ANKRD31: variants seen among roughly 807,000 people sequenced by gnomAD.
ANKRD31 encodes the protein ankyrin repeat domain 31, also known as ankyrin repeat domain-containing protein 31.
A neutral mutation model predicts 186.0 loss-of-function variants in ANKRD31; 147 were observed. That is an observed-to-expected ratio of 0.79 (90% CI 0.69 to 0.91). The LOEUF (loss-of-function observed/expected upper bound fraction) is 0.91. Among genes scored for constraint, ANKRD31 ranks in the 40% least tolerant of loss-of-function variants. ANKRD31 has a pLI of 0.00. For missense variants in ANKRD31, 1,986 were observed against 2,148.8 expected (o/e 0.92, Z 1.50); for synonymous variants, 673 against 736.4 (o/e 0.91, Z 1.39).
chr5:75,173,591 GACAA>G (rs1480094301), intron 10 of ANKRD31, among the ~76,000 whole-genome samples: 4 of 152,088 alleles, frequency 2.6e-5, no homozygotes, highest in East Asian at 1.9e-4. Context: ...ACCAATAACA[GACAA>G]ACAGAGAGCC....
intron 12 of ANKRD31, among the ~76,000 whole-genome samples, chr5:75,150,118 A>G (rs1341217634): frequency 6.6e-6 from 1 of 151,920 alleles, no homozygotes; most frequent in Non-Finnish European, 1.5e-5. Context: ...CAGTCCTCAC[A>G]TTAACAATCC....
intron 22 of ANKRD31, among the ~76,000 whole-genome samples, chr5:75,097,816 T>C (rs983747221): frequency 6.6e-6 from 1 of 152,206 alleles, no homozygotes; most frequent in Non-Finnish European, 1.5e-5. Flanking sequence ...CTTTAATCCA[T>C]CTTGAATTAA....
At chr5:75,231,657 T>G (rs913174882) in intron 1 of ANKRD31, among the ~76,000 whole-genome samples, 1 of 152,166 alleles carries the variant, frequency 6.6e-6, no homozygotes, top group Admixed American at 6.6e-5. Flanking sequence ...CGAAAAGATG[T>G]TCATCATCAC....
Position 75,116,618 on chromosome 5 carries a change from A to G in ANKRD31, c.4103T>C (p.Ile1368Thr), listed in dbSNP as rs1464616352. Residue 1368 changes from isoleucine to threonine, a missense_variant, in exon 19 of 26, where the codon ATT becomes ACT. By Grantham distance (89) the Ile-to-Thr change is moderately conservative. Coordinates refer to ENST00000506364, the MANE Select transcript of ANKRD31 (RefSeq NM_001372053.1). Reference sequence around the variant, plus strand: ...TTGGTGTGAAAGGGAAGATGAGTCAATAGTTTTGCCATCATCACAAAAACA... The same window carrying G: ...TTGGTGTGAAAGGGAAGATGAGTCAGTAGTTTTGCCATCATCACAAAAACA... ...KQCFCDDGKT[I>T]DSSSLSHQER... 2.0e-6 allele frequency: 3 copies of G among 1,476,046 alleles called. No individual in the cohort carries two copies. The highest frequency in any genetic ancestry group is 2.7e-6 in the Non-Finnish European group (3 of 1,108,900). 91.4% of individuals were successfully genotyped at this position (1,476,046 alleles called of 1,614,324 possible). A position where few individuals can be genotyped will look rare whatever the true frequency, so the allele number is the denominator to read the frequency against.
intron 23 of ANKRD31, among the ~76,000 whole-genome samples, chr5:75,087,858 C>A (rs1163306685): frequency 6.6e-6 from 1 of 152,126 alleles, no homozygotes; most frequent in Non-Finnish European, 1.5e-5. Flanking sequence ...AATGATGATG[C>A]AGGTAAAGCT....
chr5:75,146,041 C>G lies in ANKRD31; in HGVS notation c.3370G>C (p.Ala1124Pro). Residue 1124 changes from alanine (A) to proline (P), a missense_variant, in exon 14 of 26, where the codon GCC becomes CCC. By Grantham distance (27) the Ala-to-Pro change is conservative (BLOSUM62 -1). Coordinates refer to ENST00000506364, the MANE Select transcript of ANKRD31 (RefSeq NM_001372053.1). Reference sequence around the variant, plus strand: ...CTTTGACTAAGTTTTGAGATGTTGGCCAATTCTTTACTCATATTGTCAGTG... The same window carrying G: ...CTTTGACTAAGTTTTGAGATGTTGGGCAATTCTTTACTCATATTGTCAGTG... ...HSTDNMSKEL[A>P]NISKLSQREK... 1 of 1,508,592 alleles carries G rather than the reference C, an allele frequency of 6.6e-7. No individual in the cohort carries two copies. The allele number at this position is 1,508,592 out of a possible 1,614,324, so 93.5% of individuals were successfully genotyped here.
intron 17 of ANKRD31, among the ~76,000 whole-genome samples, chr5:75,132,789 G>C (rs1296233719): frequency 6.6e-6 from 1 of 152,134 alleles, no homozygotes; most frequent in Non-Finnish European, 1.5e-5. Context: ...ACCCACAAAG[G>C]GAAGCCCATC....
chr5:75,222,825 C>T lies in ANKRD31; in HGVS notation c.179-467G>A, dbSNP rs1757387464. Among the ~76,000 whole-genome samples, 3 of 152,120 alleles carry T rather than the reference C, an allele frequency of 2.0e-5. No homozygotes were observed. The South Asian group carries it at 6.2e-4, about 32-fold the overall frequency. Reference sequence around the variant, plus strand: ...CATAGTATTTCATGGTGTATATGTACCATACTTTCTTTATCCATTGATAGG... The same window carrying T: ...CATAGTATTTCATGGTGTATATGTATCATACTTTCTTTATCCATTGATAGG... On this transcript the variant is annotated intron_variant, in intron 2 of 25. Transcript: ENST00000506364.
At chr5:75,178,780 C>G (rs1407277851) in intron 10 of ANKRD31, among the ~76,000 whole-genome samples, 1 of 152,048 alleles carries the variant, frequency 6.6e-6, no homozygotes, top group Non-Finnish European at 1.5e-5. Context: ...CAAGAGAAAG[C>G]AGGAAACATC....
intron 12 of ANKRD31, among the ~76,000 whole-genome samples, chr5:75,149,070 A>G (rs1164138995): frequency 1.3e-5 from 2 of 151,936 alleles, no homozygotes; most frequent in African/African-American, 4.8e-5. Context: ...TCTTTAAAGT[A>G]AAACATACAC....
chr5:75,120,950 C>T lies in ANKRD31; in HGVS notation c.3877-2653G>A, dbSNP rs544265287. Among the ~76,000 whole-genome samples, 20 of 151,936 alleles carry T rather than the reference C, an allele frequency of 1.3e-4. No homozygotes were observed. The South Asian group carries it at 1.9e-3, about 14-fold the overall frequency. ...CTGTAATCCCAGCACTTTGGGAGGCCGAGACAGGCGGATCATTAGGTCAGG... is the reference window on the plus strand; with the variant it reads ...CTGTAATCCCAGCACTTTGGGAGGCTGAGACAGGCGGATCATTAGGTCAGG... On this transcript the variant is annotated intron_variant, in intron 17 of 25. Coordinates refer to ENST00000506364, the MANE Select transcript of ANKRD31 (RefSeq NM_001372053.1).
At chr5:75,209,904 T>C (rs1182070507) in intron 4 of ANKRD31, among the ~76,000 whole-genome samples, 1 of 152,190 alleles carries the variant, frequency 6.6e-6, no homozygotes, top group East Asian at 1.9e-4. Context: ...ACTACTAATA[T>C]TCTTTGGTGC....
intron 10 of ANKRD31, among the ~76,000 whole-genome samples, chr5:75,169,948 G>A (rs1256463957): frequency 6.6e-6 from 1 of 152,134 alleles, no homozygotes; most frequent in Non-Finnish European, 1.5e-5. Flanking sequence ...CCCCTGGGGA[G>A]GGGGTGGGAG....
rs1227509314 is a variant in ANKRD31, at chr5:75,192,884, G to A, written c.1299-108C>T. On this transcript the variant is annotated intron_variant, in intron 8 of 25. Coordinates refer to ENST00000506364, the MANE Select transcript of ANKRD31 (RefSeq NM_001372053.1). ...TATTAAAACTCCAGGGTATTTTACT[G>A]AGCTGTTCTCAAGTGGCGTGGCAGT... 6.9e-6 allele frequency: 6 copies of A among 870,770 alleles called. No individual in the cohort carries two copies. The African/African-American group carries it at 1.0e-4, about 15-fold the overall frequency. 53.9% of individuals were successfully genotyped at this position (870,770 alleles called of 1,614,324 possible). A position where few individuals can be genotyped will look rare whatever the true frequency, so the allele number is the denominator to read the frequency against.
chr5:75,209,541 G>C (rs1756474505), intron 4 of ANKRD31, among the ~76,000 whole-genome samples: 1 of 152,050 alleles, frequency 6.6e-6, no homozygotes, highest in African/African-American at 2.4e-5. Context: ...GCCAGACAAG[G>C]TGGCACACAC....
intron 6 of ANKRD31, among the ~76,000 whole-genome samples, chr5:75,197,404 C>G (rs558148536): frequency 4.4e-4 from 67 of 152,224 alleles, no homozygotes; most frequent in African/African-American, 1.5e-3. Context: ...TCCACCATAC[C>G]TTTGACAGGA....
At chr5:75,081,726 G>GAGA (rs1317921343) in intron 24 of ANKRD31, among the ~76,000 whole-genome samples, 2 of 151,712 alleles carry the variant, frequency 1.3e-5, no homozygotes, top group Non-Finnish European at 2.9e-5. Context: ...GACAGAGAGA[G>GAGA]AGAGAGAGAG....
At chr5:75,214,945 T>C (rs887827120) in intron 3 of ANKRD31, among the ~76,000 whole-genome samples, 1 of 152,114 alleles carries the variant, frequency 6.6e-6, no homozygotes, top group Non-Finnish European at 1.5e-5. Context: ...TGTACATATG[T>C]AGAAAGAGAT....
chr5:75,218,368 G>A (rs964130787), intron 3 of ANKRD31, among the ~76,000 whole-genome samples: 3 of 152,010 alleles, frequency 2.0e-5, no homozygotes, highest in East Asian at 1.9e-4. Context: ...ATTCCTGGAC[G>A]TATACATCCT....
Sources: gnomAD v4.1 joint callset for allele counts (sites outside exome capture counted in the v4.1 genomes callset) on GRCh38, gnomAD v4.1.1 for gene constraint, MANE v1.5 for transcripts, NCBI Gene and HGNC (gene_info 2026-07-23, HGNC 2026-07-21) for gene names.